The following DKK2 variants were observed in gnomAD, a reference collection of about 807,000 sequenced individuals.
The protein encoded by DKK2 is dickkopf-related protein 2.
A neutral mutation model predicts 28.1 loss-of-function variants in DKK2; 11 were observed. The ratio of observed to expected loss-of-function variants is 0.39; its 90% CI spans 0.25 to 0.65. The LOEUF is 0.65. Among genes scored for constraint, DKK2 ranks in the 30% least tolerant of loss-of-function variants. The pLI is 0.47. For missense variants in DKK2, 326 were observed against 335.5 expected, an observed-to-expected ratio of 0.97 and a Z score of 0.22; for synonymous variants, 135 against 126.5, an observed-to-expected ratio of 1.07 and a Z score of -0.45.
At chr4:106,985,593 G>C (rs1030484699) in intron 1 of DKK2, among the ~76,000 whole-genome samples, 6 of 152,038 alleles carry the variant, frequency 3.9e-5, no homozygotes, top group Non-Finnish European at 7.4e-5. Context: ...CAGATCACCT[G>C]AGGTCAGGAG....
rs1467312569 is a variant in DKK2 at position 106,957,586 on chromosome 4, A to G, written c.223-31637T>C. On this transcript the variant is annotated intron_variant, in intron 1 of 3. Transcript: ENST00000285311. ...TACTATGCAGCCATAAAAAATGATG[A>G]GTTCATGTCCTTTGTAAGGACATGG... Among the ~76,000 whole-genome samples, 16 of 151,960 alleles carry G rather than the reference A, an allele frequency of 1.1e-4. No homozygotes were observed. The Middle Eastern group carries it at 0.02, about 194-fold the overall frequency.
chr4:106,959,083 G>T (rs1216952481), intron 1 of DKK2, among the ~76,000 whole-genome samples: 1 of 151,942 alleles, frequency 6.6e-6, no homozygotes, highest in Non-Finnish European at 1.5e-5. Context: ...CTTAAAAATT[G>T]ATTATATCAA....
At chr4:107,018,503 A>G (rs569939671) in intron 1 of DKK2, among the ~76,000 whole-genome samples, 1 of 152,230 alleles carries the variant, frequency 6.6e-6, no homozygotes, top group South Asian at 2.1e-4. Context: ...AGAGATGACA[A>G]GTAGGGTATA....
intron 1 of DKK2, among the ~76,000 whole-genome samples, chr4:106,941,185 C>T (rs1724693849): frequency 6.6e-6 from 1 of 152,060 alleles, no homozygotes; most frequent in South Asian, 2.1e-4. Context: ...CACCACAGAA[C>T]TCTACCTAAC....
intron 1 of DKK2, among the ~76,000 whole-genome samples, chr4:106,930,985 CACAA>C (rs1724494964): frequency 6.6e-6 from 1 of 152,098 alleles, no homozygotes; most frequent in African/African-American, 2.4e-5. Context: ...TCTATATTTC[CACAA>C]ACAGTCAAGG....
intron 1 of DKK2, among the ~76,000 whole-genome samples, chr4:107,009,689 GC>G (rs1282219968): frequency 6.6e-6 from 1 of 151,676 alleles, no homozygotes; most frequent in African/African-American, 2.4e-5. Context: ...CTGGGGGAGG[GC>G]AAAGGGACAG....
intron 1 of DKK2, among the ~76,000 whole-genome samples, chr4:106,942,401 C>T (rs1308261629): frequency 6.6e-6 from 1 of 152,148 alleles, no homozygotes; most frequent in Non-Finnish European, 1.5e-5. Flanking sequence ...ACTGGTTCTT[C>T]TAGTCTATTT....
At position 107,019,829 on chromosome 4, in the gene DKK2, T is replaced by C. The variant is rs549855778; in HGVS notation, c.222+15541A>G. On this transcript the variant is annotated intron_variant, in intron 1 of 3. Transcript: ENST00000285311. ...TCACTATAATGTTTGCTATTGAAAC[T>C]TCACTGAGTATACAATTCTTAATTC... 2.6e-5 allele frequency among the ~76,000 whole-genome samples: 4 copies of C among 152,196 alleles called. No individual in the cohort carries two copies. In the South Asian group the frequency reaches 6.2e-4, roughly 24 times the overall value.
At position 106,924,113 on chromosome 4, in the gene DKK2, C is replaced by A; in HGVS notation, c.621G>T (p.Val207=). The A allele has an allele frequency of 1.2e-6, 2 of 1,613,966 alleles. No homozygotes were observed. Among genetic ancestry groups the A allele is most frequent in the Non-Finnish European group, 1.7e-6 (2 of 1,179,920 alleles). ...RHFWTKICKP[V]LHQGEVCTKQ... Reference sequence around the variant, plus strand: ...TGGTACAGACTTCCCCCTGATGGAGCACTGGTTTGCAGATTTTGGTCCAGA... The same window carrying A: ...TGGTACAGACTTCCCCCTGATGGAGAACTGGTTTGCAGATTTTGGTCCAGA... Residue 207 remains valine (V), a synonymous_variant, in exon 4 of 4, where the codon GTG becomes GTT. Transcript: ENST00000285311.
intron 1 of DKK2, among the ~76,000 whole-genome samples, chr4:106,945,471 A>G (rs1363031209): frequency 6.6e-6 from 1 of 152,112 alleles, no homozygotes; most frequent in Non-Finnish European, 1.5e-5. Context: ...ATTAAACAGC[A>G]TCTGTACATA....
chr4:107,025,102 C>A (rs527412168), intron 1 of DKK2, among the ~76,000 whole-genome samples: 1 of 152,104 alleles, frequency 6.6e-6, no homozygotes, highest in Non-Finnish European at 1.5e-5. Context: ...CAGAGGTCCA[C>A]GTGAGGTTGA....
chr4:107,025,941 G>C (rs1431016159), intron 1 of DKK2, among the ~76,000 whole-genome samples: 2 of 152,168 alleles, frequency 1.3e-5, no homozygotes, highest in Non-Finnish European at 2.9e-5. Context: ...AGAAAGCATT[G>C]CTTCTGATTA....
intron 1 of DKK2, among the ~76,000 whole-genome samples, chr4:106,938,230 A>C (rs1462394453): frequency 1.3e-5 from 2 of 150,674 alleles, no homozygotes; most frequent in East Asian, 3.9e-4. Flanking sequence ...AGCAAGACTA[A>C]TAAAGAAAAA....
At chr4:107,003,890 A>G (rs1026926109) in intron 1 of DKK2, among the ~76,000 whole-genome samples, 1 of 152,216 alleles carries the variant, frequency 6.6e-6, no homozygotes, top group South Asian at 2.1e-4. Flanking sequence ...AGCTCTAGAA[A>G]TTAAGTAAAT....
rs1015370921 is a variant in DKK2, at chr4:106,990,610, T to C, written c.222+44760A>G. ...ATAGTCTAAATTCTTTCACCGTGGCTAATTATAAGCTGACAATATGATGTC... is the reference window on the plus strand; with the variant it reads ...ATAGTCTAAATTCTTTCACCGTGGCCAATTATAAGCTGACAATATGATGTC... On this transcript the variant is annotated intron_variant, in intron 1 of 3. Coordinates refer to ENST00000285311, the MANE Select transcript of DKK2 (RefSeq NM_014421.3). 5.9e-5 allele frequency among the ~76,000 whole-genome samples: 9 copies of C among 152,334 alleles called. 1 individual carries two copies. Among genetic ancestry groups the C allele is most frequent in the Admixed American group, 5.9e-4 (9 of 15,294 alleles).
intron 1 of DKK2, among the ~76,000 whole-genome samples, chr4:106,931,756 G>A (rs565521813): frequency 6.6e-6 from 1 of 152,030 alleles, no homozygotes; most frequent in Non-Finnish European, 1.5e-5. Flanking sequence ...AAATATACAA[G>A]TCATCGCAAC....
chr4:106,957,552 A>C (rs1424133024), intron 1 of DKK2, among the ~76,000 whole-genome samples: 1 of 151,890 alleles, frequency 6.6e-6, no homozygotes, highest in African/African-American at 2.4e-5. Flanking sequence ...GCACACATAC[A>C]CCATGGAATA....
At chr4:107,034,432 C>T (rs1017648370) in intron 1 of DKK2, among the ~76,000 whole-genome samples, 8 of 151,988 alleles carry the variant, frequency 5.3e-5, no homozygotes, top group African/African-American at 1.9e-4. Context: ...GCCCCCTCTC[C>T]TGGCCACAGC....
chr4:107,027,910 C>T (rs1489555127), intron 1 of DKK2, among the ~76,000 whole-genome samples: 1 of 151,940 alleles, frequency 6.6e-6, no homozygotes, highest in Non-Finnish European at 1.5e-5. Context: ...TGCCACCACG[C>T]CCGGCTAATT....
Sources: gnomAD v4.1 joint callset for allele counts (sites outside exome capture counted in the v4.1 genomes callset) on GRCh38, gnomAD v4.1.1 for gene constraint, MANE v1.5 for transcripts, NCBI Gene and HGNC (gene_info 2026-07-23, HGNC 2026-07-21) for gene names.